Variants in LYPD6B observed in about 807,000 individuals in gnomAD.
LYPD6B encodes ly6/PLAUR domain-containing protein 6B.
In LYPD6B, 17 loss-of-function variants were observed where a neutral mutation model predicts 22.8. That is an observed-to-expected ratio of 0.75 (90% CI 0.51 to 1.12). The LOEUF (loss-of-function observed/expected upper bound fraction) is 1.12, where lower values mean the gene tolerates loss of function less well. Among genes scored for constraint, LYPD6B ranks in the 50% most tolerant of loss-of-function variants. The pLI, the probability that LYPD6B is intolerant of heterozygous loss-of-function variation, is 0.00. For missense variants in LYPD6B, 221 were observed against 258.3 expected (o/e 0.86, Z 0.99); for synonymous variants, 106 against 91.6 (o/e 1.16, Z -0.90).
intron 2 of LYPD6B, among the ~76,000 whole-genome samples, chr2:149,142,992 C>T (rs945228091): frequency 1.3e-5 from 2 of 152,144 alleles, no homozygotes; most frequent in African/African-American, 4.8e-5. Flanking sequence ...ACATATACCC[C>T]ACACTCAGTT....
intron 3 of LYPD6B, among the ~76,000 whole-genome samples, chr2:149,172,123 G>A (rs1455325533): frequency 1.3e-5 from 2 of 152,214 alleles, no homozygotes; most frequent in African/African-American, 4.8e-5. Flanking sequence ...CATGGCAGAA[G>A]GGGAAGCAAA....
chr2:149,077,865 A>G (rs748665132), intron 1 of LYPD6B, among the ~76,000 whole-genome samples: 2 of 152,214 alleles, frequency 1.3e-5, no homozygotes, highest in Non-Finnish European at 2.9e-5. Flanking sequence ...TTTGGCTGAA[A>G]GTGATCTGAT....
chr2:149,166,861 CAAG>C (rs1414945107), intron 3 of LYPD6B, among the ~76,000 whole-genome samples: 2 of 152,078 alleles, frequency 1.3e-5, no homozygotes, highest in Non-Finnish European at 2.9e-5. Context: ...TAGGGAGACC[CAAG>C]CTGCAGACTG....
At chr2:149,143,111 G>A (rs1282990715) in intron 2 of LYPD6B, among the ~76,000 whole-genome samples, 3 of 152,030 alleles carry the variant, frequency 2.0e-5, no homozygotes, top group Non-Finnish European at 2.9e-5. Flanking sequence ...GATTTCCTTA[G>A]TTCTTTTCCT....
chr2:149,168,955 A>G (rs1690624516), intron 3 of LYPD6B, among the ~76,000 whole-genome samples: 1 of 152,164 alleles, frequency 6.6e-6, no homozygotes, highest in Non-Finnish European at 1.5e-5. Context: ...ATGGGCAACA[A>G]TTATGTAGAC....
At chr2:149,214,451 A>T in intron 6 of LYPD6B, 95 bp from the exon 7 acceptor site, 3 of 1,322,568 alleles carry the variant, frequency 2.3e-6, no homozygotes, top group Non-Finnish European at 3.2e-6. Context: ...CTGTCTTCAG[A>T]TAGAGCTCAA....
At chr2:149,133,103 C>T (rs1384052802) in intron 2 of LYPD6B, among the ~76,000 whole-genome samples, 1 of 152,146 alleles carries the variant, frequency 6.6e-6, no homozygotes, top group African/African-American at 2.4e-5. Flanking sequence ...AAGGGTCCCA[C>T]AGACTCATAT....
intron 3 of LYPD6B, among the ~76,000 whole-genome samples, chr2:149,201,030 T>C (rs899731235): frequency 6.6e-6 from 1 of 152,248 alleles, no homozygotes; most frequent in African/African-American, 2.4e-5. Context: ...TGTTTTGAGC[T>C]ACGCTTGAAG....
chr2:149,096,476 T>C (rs1685909526), intron 1 of LYPD6B, among the ~76,000 whole-genome samples: 1 of 152,210 alleles, frequency 6.6e-6, no homozygotes, highest in Admixed American at 6.5e-5. Flanking sequence ...TGGGTTAAAT[T>C]TCTTTAGTTT....
At chr2:149,120,377 A>AT (rs1343156188) in intron 1 of LYPD6B, among the ~76,000 whole-genome samples, 70 of 43,136 alleles carry the variant, frequency 1.6e-3, no homozygotes, top group Admixed American at 2.4e-3. Flanking sequence ...ATATATATAT[A>AT]TATATATTTT....
chr2:149,080,528 A>C (rs1038817503), intron 1 of LYPD6B, among the ~76,000 whole-genome samples: 10 of 152,146 alleles, frequency 6.6e-5, no homozygotes, highest in African/African-American at 2.4e-4. Flanking sequence ...CAAGTTCTCT[A>C]TTCTTTCTCA....
intron 3 of LYPD6B, among the ~76,000 whole-genome samples, chr2:149,178,076 G>C (rs1251745170): frequency 2.6e-5 from 4 of 151,786 alleles, no homozygotes; most frequent in African/African-American, 9.7e-5. Context: ...AGGTTAAACA[G>C]TTCCTAATAG....
intron 1 of LYPD6B, among the ~76,000 whole-genome samples, chr2:149,127,869 A>G (rs564076743): frequency 2.0e-5 from 3 of 152,284 alleles, no homozygotes; most frequent in Non-Finnish European, 4.4e-5. Flanking sequence ...ATGGGGTATA[A>G]TGGTGCCCTA....
intron 2 of LYPD6B, among the ~76,000 whole-genome samples, chr2:149,153,642 G>A (rs151305109): frequency 3.6e-4 from 55 of 152,222 alleles, no homozygotes; most frequent in African/African-American, 1.2e-3. Flanking sequence ...AGGCATGATG[G>A]TGCGTTCCTG....
intron 2 of LYPD6B, among the ~76,000 whole-genome samples, chr2:149,157,617 G>A (rs1052090412): frequency 6.6e-6 from 1 of 152,168 alleles, no homozygotes; most frequent in African/African-American, 2.4e-5. Flanking sequence ...GACTCACACT[G>A]TGCCAGCTTT....
intron 1 of LYPD6B, among the ~76,000 whole-genome samples, chr2:149,108,350 T>G (rs976553578): frequency 4.6e-5 from 7 of 152,220 alleles, no homozygotes; most frequent in Admixed American, 6.5e-5. Flanking sequence ...AATACACCCT[T>G]GCAGTTCAAT....
chr2:149,108,059 C>T (rs1686563447), intron 1 of LYPD6B, among the ~76,000 whole-genome samples: 1 of 152,012 alleles, frequency 6.6e-6, no homozygotes, highest in Non-Finnish European at 1.5e-5. Context: ...TGAGAGGGAC[C>T]CTGTGGGAGG....
chr2:149,169,911 C>A (rs534856231), intron 3 of LYPD6B, among the ~76,000 whole-genome samples: 34 of 152,272 alleles, frequency 2.2e-4, no homozygotes, highest in Middle Eastern at 3.4e-3. Flanking sequence ...CCTGAGTCAT[C>A]CAGGCTGGTA....
At chr2:149,182,899 TAAA>T (rs1322099435) in intron 3 of LYPD6B, among the ~76,000 whole-genome samples, 1 of 152,260 alleles carries the variant, frequency 6.6e-6, no homozygotes, top group African/African-American at 2.4e-5. Flanking sequence ...ATGTCCATTA[TAAA>T]AGTGAGTGCT....
Sources: allele counts gnomAD v4.1 joint callset (sites outside exome capture counted in the v4.1 genomes callset), GRCh38; gene constraint gnomAD v4.1.1; transcripts MANE v1.5; gene names NCBI Gene and HGNC (gene_info 2026-07-23, HGNC 2026-07-21).